Variants in POU6F2 observed in about 807,000 individuals in gnomAD.
POU6F2 encodes POU class 6 homeobox 2, also known as POU domain, class 6, transcription factor 2.
A neutral mutation model predicts 71.3 loss-of-function variants in POU6F2; 31 were observed. The observed-to-expected ratio is 0.43, with a 90% CI of 0.33 to 0.59. POU6F2 has a LOEUF of 0.59. Ranked by LOEUF, POU6F2 falls within the 20% of genes least tolerant of loss-of-function variation. The pLI is 0.04. For missense variants in POU6F2, 783 were observed against 856.8 expected (o/e 0.91, Z 1.07); for synonymous variants, 347 against 355.7 (o/e 0.98, Z 0.27).
At chr7:39,242,900 C>T (rs76626643) in intron 4 of POU6F2, among the ~76,000 whole-genome samples, 4,114 of 152,136 alleles carry the variant, frequency 0.027, 118 homozygotes, top group African/African-American at 0.073. Context: ...ATGAGGAAAC[C>T]GAAGTACAGA....
chr7:39,420,126 T>C (rs1787818566), intron 6 of POU6F2, among the ~76,000 whole-genome samples: 2 of 152,078 alleles, frequency 1.3e-5, no homozygotes, highest in African/African-American at 2.4e-5. Flanking sequence ...AAGGAACAAA[T>C]AACATGGACA....
At chr7:39,278,741 G>A (rs1784507342) in intron 4 of POU6F2, among the ~76,000 whole-genome samples, 1 of 152,138 alleles carries the variant, frequency 6.6e-6, no homozygotes. Flanking sequence ...TGGCATACAG[G>A]GGGCTATACA....
chr7:39,407,940 A>G (rs1378312743), intron 6 of POU6F2, among the ~76,000 whole-genome samples: 1 of 152,208 alleles, frequency 6.6e-6, no homozygotes, highest in Non-Finnish European at 1.5e-5. Flanking sequence ...CACATATTAA[A>G]GGAGGGTTGT....
intron 1 of POU6F2, among the ~76,000 whole-genome samples, chr7:38,999,965 A>G (rs1788853586): frequency 6.6e-6 from 1 of 152,176 alleles, no homozygotes; most frequent in African/African-American, 2.4e-5. Context: ...TTTTTTCCCT[A>G]AAGTAGGTAC....
intron 2 of POU6F2, among the ~76,000 whole-genome samples, chr7:39,170,529 A>G (rs966928399): frequency 3.3e-5 from 5 of 151,466 alleles, no homozygotes; most frequent in African/African-American, 9.8e-5. Flanking sequence ...ATCATAAACT[A>G]GGAACAATAG....
rs143428157 is a variant in POU6F2 at position 39,388,517 on chromosome 7, C to T, written c.973-18083C>T. Among the ~76,000 whole-genome samples the T allele has an allele frequency of 9.6e-3, 1,459 of 152,184 alleles. 31 individuals are homozygous for T. The highest frequency in any genetic ancestry group is 0.034 in the African/African-American group (1,401 of 41,510). On this transcript the variant is annotated intron_variant, in intron 5 of 9. Coordinates refer to ENST00000518318, the MANE Select transcript of POU6F2 (RefSeq NM_001370959.1). ...TTTTAGTAGAGACAGGGTTTCACCA[C>T]GTTGGCCAGGCTGGTCTCGAACTCC...
At chr7:39,292,554 A>T (rs983658763) in intron 4 of POU6F2, among the ~76,000 whole-genome samples, 1 of 152,296 alleles carries the variant, frequency 6.6e-6, no homozygotes, top group East Asian at 1.9e-4. Flanking sequence ...AATAAGAGAT[A>T]AGGTCTTCGT....
rs761146794 is a variant in POU6F2, at chr7:39,339,679, GCTC to G, written c.638_640del (p.Leu213del). The stretch of plus-strand genomic sequence containing the variant: ...TGAACTCCCAGCTCCAGCAGCTCCA[GCTC>G]CAGCTCCAGCAGCAGCAGCAGCAGC... On this transcript the variant is annotated inframe_deletion, in exon 5 of 10. Transcript: ENST00000518318. The G allele has an allele frequency of 3.1e-6, 5 of 1,600,322 alleles. No homozygotes were observed. The South Asian group carries it at 4.5e-5, about 14-fold the overall frequency.
intron 4 of POU6F2, among the ~76,000 whole-genome samples, chr7:39,279,798 A>C (rs1316532516): frequency 6.6e-6 from 1 of 151,996 alleles, no homozygotes; most frequent in Non-Finnish European, 1.5e-5. Flanking sequence ...CTGGGCTGGA[A>C]TACAGTAGAG....
intron 2 of POU6F2, among the ~76,000 whole-genome samples, chr7:39,187,951 TTG>T (rs1793580248): frequency 6.6e-6 from 1 of 152,228 alleles, no homozygotes. Flanking sequence ...AAGTGTCGCC[TTG>T]TTAGAAGGCA....
intron 2 of POU6F2, among the ~76,000 whole-genome samples, chr7:39,105,657 A>G (rs1791665248): frequency 6.6e-6 from 1 of 152,222 alleles, no homozygotes; most frequent in Non-Finnish European, 1.5e-5. Context: ...ATTAAGACTC[A>G]GAATTATCTG....
At chr7:39,257,824 G>A (rs532219916) in intron 4 of POU6F2, among the ~76,000 whole-genome samples, 3 of 148,686 alleles carry the variant, frequency 2.0e-5, no homozygotes, top group Admixed American at 6.9e-5. Context: ...GGGTACACAC[G>A]GGGGAAATTT....
At chr7:39,073,376 T>TA (rs35194991) in intron 1 of POU6F2, among the ~76,000 whole-genome samples, 11,148 of 133,040 alleles carry the variant, frequency 0.084, 502 homozygotes, top group African/African-American at 0.14. Flanking sequence ...GAGAACCTAT[T>TA]AAAAAAAAAA....
chr7:39,056,200 A>G (rs6960250), intron 1 of POU6F2, among the ~76,000 whole-genome samples: 2 of 151,816 alleles, frequency 1.3e-5, no homozygotes, highest in African/African-American at 4.8e-5. Context: ...GAGATAAAAC[A>G]TGGTTATTGT....
intron 2 of POU6F2, among the ~76,000 whole-genome samples, chr7:39,087,125 G>A (rs920990442): frequency 6.7e-6 from 1 of 148,664 alleles, no homozygotes; most frequent in Non-Finnish European, 1.5e-5. Context: ...TCAGCAATTC[G>A]GCTTGAAACA....
chr7:38,997,613 A>G (rs1015465836), intron 1 of POU6F2, among the ~76,000 whole-genome samples: 1 of 152,152 alleles, frequency 6.6e-6, no homozygotes, highest in Non-Finnish European at 1.5e-5. Flanking sequence ...CCCTATGTAG[A>G]TATGTGTTCA....
intron 1 of POU6F2, among the ~76,000 whole-genome samples, chr7:39,082,481 T>C (rs2128720188): frequency 6.6e-6 from 1 of 152,338 alleles, no homozygotes; most frequent in Admixed American, 6.5e-5. Flanking sequence ...TGTTTACCGC[T>C]GCAGAGATCC....
chr7:39,207,695 T>A (rs2128746002), intron 4 of POU6F2, 75 bp downstream of exon 4: 1 of 1,358,260 alleles, frequency 7.4e-7, no homozygotes, highest in Non-Finnish European at 1.0e-6. Context: ...CAAAAAAAAA[T>A]GTGCCTAGAA....
chr7:39,459,657 A>G (rs1562560921), intron 8 of POU6F2, among the ~76,000 whole-genome samples: 4 of 152,182 alleles, frequency 2.6e-5, no homozygotes, highest in African/African-American at 7.2e-5. Flanking sequence ...GTGAAGAACA[A>G]TAGAGTCAGC....
Sources: allele counts gnomAD v4.1 joint callset (sites outside exome capture counted in the v4.1 genomes callset), GRCh38; gene constraint gnomAD v4.1.1; transcripts MANE v1.5; gene names NCBI Gene and HGNC (gene_info 2026-07-23, HGNC 2026-07-21).